The following TRPM7 variants were observed in gnomAD, a reference collection of about 807,000 sequenced individuals.
The protein encoded by TRPM7 is LTRPC ion channel family member 7.
A neutral mutation model predicts 229.7 loss-of-function variants in TRPM7; 134 were observed. That is an observed-to-expected ratio of 0.58 (90% confidence interval 0.51 to 0.67). The LOEUF (loss-of-function observed/expected upper bound fraction) is 0.67, where lower values mean the gene tolerates loss of function less well. TRPM7 is among the 30% of genes least tolerant of loss of function. The probability of loss-of-function intolerance (pLI) is 0.00; values close to 1 mark genes in which losing one functional copy is unlikely to be tolerated. For missense variants in TRPM7, 1,901 were observed against 2,210.0 expected (o/e 0.86, Z 2.80); for synonymous variants, 699 against 715.2 (o/e 0.98, Z 0.36).
chr15:50,578,695 C>T (rs769853840), intron 30 of TRPM7, 31 bp from the exon 31 acceptor site: 16 of 1,543,322 alleles, frequency 1.0e-5, no homozygotes, highest in Non-Finnish European at 1.2e-5. Flanking sequence ...ATAGTATAAG[C>T]TGTGCTATGA....
At position 50,661,055 on chromosome 15, in the gene TRPM7, C is replaced by G. The variant is rs556786240; in HGVS notation, c.83+1912G>C. Among the ~76,000 whole-genome samples, 6 of 150,574 alleles carry G rather than the reference C, an allele frequency of 4.0e-5. No individual in the cohort carries two copies. In the East Asian group the frequency reaches 1.2e-3, roughly 30 times the overall value. ...CAGCAGTGTGGATCTCAGCTCACTA[C>G]AACCTCTGCCTTCCAGTGTCAAGCA... On this transcript the variant is annotated intron_variant, in intron 2 of 38. Coordinates refer to ENST00000646667, the MANE Select transcript of TRPM7 (RefSeq NM_017672.6).
chr15:50,673,538 G>C (rs1188697971), intron 1 of TRPM7, among the ~76,000 whole-genome samples: 3 of 152,006 alleles, frequency 2.0e-5, no homozygotes, highest in African/African-American at 7.3e-5. Flanking sequence ...TTCCATTCCT[G>C]AGTTACTTCA....
intron 13 of TRPM7, among the ~76,000 whole-genome samples, chr15:50,616,304 CTTA>C (rs1055557483): frequency 6.6e-6 from 1 of 152,092 alleles, no homozygotes; most frequent in Non-Finnish European, 1.5e-5. Flanking sequence ...AAAAATAGGG[CTTA>C]TTATTATAGC....
intron 2 of TRPM7, among the ~76,000 whole-genome samples, chr15:50,660,328 A>C (rs1406822099): frequency 6.6e-6 from 1 of 152,154 alleles, no homozygotes; most frequent in Non-Finnish European, 1.5e-5. Flanking sequence ...AATAATAAAT[A>C]AATCCAAATT....
intron 29 of TRPM7, among the ~76,000 whole-genome samples, 163 bp from the exon 30 acceptor site, chr15:50,581,071 G>C (rs2140303146): frequency 6.6e-6 from 1 of 152,156 alleles, no homozygotes; most frequent in Admixed American, 6.5e-5. Context: ...TATTATAACT[G>C]TATTTACTGT....
intron 10 of TRPM7, among the ~76,000 whole-genome samples, chr15:50,630,506 A>G (rs2060699837): frequency 6.6e-6 from 1 of 150,968 alleles, no homozygotes; most frequent in Non-Finnish European, 1.5e-5. Flanking sequence ...TGGGGAGACA[A>G]TAAGAGGATC....
chr15:50,681,904 C>T (rs188814927), intron 1 of TRPM7, among the ~76,000 whole-genome samples: 1 of 152,196 alleles, frequency 6.6e-6, no homozygotes, highest in Admixed American at 6.6e-5. Flanking sequence ...TCATAAAAGA[C>T]TGTGCGGTGG....
At position 50,587,255 on chromosome 15, in the gene TRPM7, GCTCA is replaced by G. The variant is rs1314723882; in HGVS notation, c.4390-771_4390-768del. Among the ~76,000 whole-genome samples, 7 of 151,910 alleles carry G rather than the reference GCTCA, an allele frequency of 4.6e-5. 1 individual carries two copies. In the East Asian group the frequency reaches 1.2e-3, roughly 25 times the overall value. ...ATTTATACAACAAGGTTATCTATAT[GCTCA>G]CTATTTTGTCAGATTTCAATTTGTA... On this transcript the variant is annotated intron_variant, in intron 27 of 38. Transcript: ENST00000646667.
rs535766719 is a variant in TRPM7 at position 50,570,049 on chromosome 15, G to A, written c.5360+55C>T. 1.9e-6 allele frequency: 3 copies of A among 1,586,350 alleles called. No homozygotes were observed. The African/African-American group carries it at 4.1e-5, about 22-fold the overall frequency. ...CAAAAAAAAGGGGGCAGTTTATACA[G>A]GTACAAATATAAAATGTGAAATTAT... On this transcript the variant is annotated intron_variant, in intron 37 of 38. Transcript: ENST00000646667.
chr15:50,680,975 G>A (rs1249132366), intron 1 of TRPM7, among the ~76,000 whole-genome samples: 10 of 152,012 alleles, frequency 6.6e-5, no homozygotes, highest in African/African-American at 1.7e-4. Context: ...GTAAAGTGTC[G>A]GGCGAGGTGG....
intron 9 of TRPM7, among the ~76,000 whole-genome samples, chr15:50,632,121 A>G (rs2060755440): frequency 6.6e-6 from 1 of 152,054 alleles, no homozygotes; most frequent in African/African-American, 2.4e-5. Flanking sequence ...TGGCCAACAC[A>G]GTGAAACACC....
intron 38 of TRPM7, among the ~76,000 whole-genome samples, chr15:50,567,095 A>G (rs758109842): frequency 2.0e-5 from 3 of 152,094 alleles, no homozygotes; most frequent in Non-Finnish European, 4.4e-5. Context: ...AAACTCACTC[A>G]AAAACAATTT....
intron 36 of TRPM7, among the ~76,000 whole-genome samples, 183 bp downstream of exon 36, chr15:50,574,087 AAGAT>A (rs1013397212): frequency 3.9e-5 from 6 of 152,150 alleles, no homozygotes; most frequent in Middle Eastern, 3.4e-3. Flanking sequence ...GGAACAAAAA[AAGAT>A]AGCCAGATTC....
chr15:50,675,070 C>T (rs542669904), intron 1 of TRPM7, among the ~76,000 whole-genome samples: 11 of 152,204 alleles, frequency 7.2e-5, no homozygotes, highest in African/African-American at 2.2e-4. Flanking sequence ...TGGCTGGGCA[C>T]GGTGGCTCAT....
intron 1 of TRPM7, among the ~76,000 whole-genome samples, chr15:50,672,898 C>CA (rs35153596): frequency 0.31 from 8,065 of 26,164 alleles, 2,958 homozygotes; most frequent in Non-Finnish European, 0.42. Context: ...GACTCTGTCT[C>CA]AAAAAAAAAA....
Position 50,613,754 on chromosome 15 carries a change from T to C in TRPM7, c.1723A>G (p.Met575Val). 6.2e-7 allele frequency: 1 copy of C among 1,613,736 alleles called. No homozygotes were observed. Among genetic ancestry groups the C allele is most frequent in the Middle Eastern group, 1.6e-4 (1 of 6,062 alleles). Residue 575 changes from methionine to valine, a missense_variant, in exon 15 of 39, where the codon ATG (methionine) becomes GTG (valine). Physicochemically the swap from Met to Val is conservative, Grantham distance 21 (BLOSUM62 1). Coordinates refer to ENST00000646667, the MANE Select transcript of TRPM7 (RefSeq NM_017672.6). ...FGNRADKKEK[M>V]RHNHFIKTAQ... The stretch of plus-strand genomic sequence containing the variant: ...GTCTTAATGAAATGGTTATGCCTCA[T>C]TTTTTCCTTTTTATCTGCCCTATTG...
Position 50,561,820 on chromosome 15 carries a change from A to C in TRPM7, c.5468-12T>G. ...ATTCCTCTTCAGATCTACATTGAAC[A>C]CCCACAACAATTAAAAAAAAAAAAG... On this transcript the variant is annotated splice_polypyrimidine_tract_variant and intron_variant, in intron 38 of 38. Transcript: ENST00000646667. 2.0e-6 allele frequency: 3 copies of C among 1,509,950 alleles called. No homozygotes were observed. Among genetic ancestry groups the C allele is most frequent in the African/African-American group, 1.5e-5 (1 of 67,236 alleles). 93.5% of individuals were successfully genotyped at this position (1,509,950 alleles called of 1,614,324 possible). A position where few individuals can be genotyped will look rare whatever the true frequency, so the allele number is the denominator to read the frequency against.
Position 50,575,058 on chromosome 15 carries a change from G to C in TRPM7, c.4813C>G (p.Leu1605Val), listed in dbSNP as rs2054067525. ...AACTCTATTTTGGCACAGAGGCCTA[G>C]TTGTGACCAAGAAGACATGCTGTTA... is the stretch of plus-strand genomic sequence containing the variant. ...LNNSMSSWSQ[L>V]GLCAKIEFLS... is the part of the protein sequence containing the mutation. Residue 1605 changes from leucine (L) to valine (V), a missense_variant, in exon 34 of 39, where the codon CTA (leucine) becomes GTA (valine). This residue lies in a region of TRPM7 where 257 missense variants were observed against 352.0 expected (regional missense o/e 0.73). Coordinates refer to ENST00000646667, the MANE Select transcript of TRPM7 (RefSeq NM_017672.6). 1.2e-6 allele frequency: 2 copies of C among 1,613,964 alleles called. No individual in the cohort carries two copies. Among genetic ancestry groups the C allele is most frequent in the Admixed American group, 3.3e-5 (2 of 59,996 alleles).
At chr15:50,668,972 T>C (rs1300687813) in intron 1 of TRPM7, among the ~76,000 whole-genome samples, 1 of 152,212 alleles carries the variant, frequency 6.6e-6, no homozygotes, top group Non-Finnish European at 1.5e-5. Flanking sequence ...TTGGGAAAAC[T>C]GGCCTCATAT....
Sources: gnomAD v4.1 joint callset for allele counts (sites outside exome capture counted in the v4.1 genomes callset) on GRCh38, gnomAD v4.1.1 for gene constraint, gnomAD v4.1.1 regional missense constraint, MANE v1.5 for transcripts, NCBI Gene and HGNC (gene_info 2026-07-23, HGNC 2026-07-21) for gene names.